The following OCA2 variants were observed in gnomAD, a reference collection of about 807,000 sequenced individuals.
OCA2 encodes OCA2 melanosomal transmembrane protein, also known as P protein.
OCA2 carries 77 observed loss-of-function variants against 100.2 expected under a neutral mutation model. The observed-to-expected ratio is 0.77, with a 90% CI of 0.64 to 0.93. OCA2 has a LOEUF of 0.93. OCA2 is among the 40% of genes least tolerant of loss of function. The pLI is 0.00. For missense variants in OCA2, 1,062 were observed against 1,089.1 expected, an observed-to-expected ratio of 0.98 and a Z score of 0.35; for synonymous variants, 432 against 439.2, an observed-to-expected ratio of 0.98 and a Z score of 0.21.
intron 2 of OCA2, among the ~76,000 whole-genome samples, chr15:28,049,898 G>C (rs894955761): frequency 6.6e-6 from 1 of 152,190 alleles, no homozygotes; most frequent in East Asian, 1.9e-4. Flanking sequence ...TGCCCATTAG[G>C]AATGTAATTA....
intron 1 of OCA2, among the ~76,000 whole-genome samples, chr15:28,096,922 G>T (rs1044276536): frequency 6.6e-6 from 1 of 152,018 alleles, no homozygotes; most frequent in Non-Finnish European, 1.5e-5. Context: ...GCGCAGCCGG[G>T]CACGCGGCCG....
chr15:27,997,236 AGG>A (rs2041778193), intron 9 of OCA2, among the ~76,000 whole-genome samples: 2 of 100,888 alleles, frequency 2.0e-5, no homozygotes, highest in Non-Finnish European at 5.6e-5. Flanking sequence ...AAAGGAAGGA[AGG>A]AGGAAAGAAA....
chr15:27,918,452 G>A (rs1466371148), intron 19 of OCA2, among the ~76,000 whole-genome samples: 3 of 152,176 alleles, frequency 2.0e-5, no homozygotes, highest in African/African-American at 7.2e-5. Flanking sequence ...ATGAAGGTTG[G>A]AAACTGAGGC....
At chr15:28,041,335 A>G (rs937805441) in intron 2 of OCA2, among the ~76,000 whole-genome samples, 77 of 144,656 alleles carry the variant, frequency 5.3e-4, no homozygotes, top group African/African-American at 2.0e-3. Context: ...AAAAAAAAAA[A>G]TGCACACCCT....
intron 2 of OCA2, among the ~76,000 whole-genome samples, chr15:28,058,260 C>T (rs2043765065): frequency 6.6e-6 from 1 of 152,220 alleles, no homozygotes; most frequent in African/African-American, 2.4e-5. Flanking sequence ...TGGTCCACTG[C>T]CCACAGGGAA....
intron 23 of OCA2, among the ~76,000 whole-genome samples, chr15:27,822,600 G>A (rs1278059742): frequency 1.3e-5 from 2 of 152,152 alleles, no homozygotes; most frequent in Non-Finnish European, 1.5e-5. Flanking sequence ...TAGGCATGGT[G>A]TAAAATGGCG....
At chr15:28,012,773 C>T (rs2042280019) in intron 9 of OCA2, among the ~76,000 whole-genome samples, 1 of 151,988 alleles carries the variant, frequency 6.6e-6, no homozygotes, top group Admixed American at 6.6e-5. Context: ...AACAGAGAAG[C>T]CCATTAAAAA....
chr15:27,786,390 C>G (rs749127605), intron 23 of OCA2, among the ~76,000 whole-genome samples: 2 of 152,164 alleles, frequency 1.3e-5, no homozygotes, highest in African/African-American at 2.4e-5. Flanking sequence ...CATCTAAATA[C>G]TGAGTCTTGC....
At chr15:27,997,023 A>G (rs944454589) in intron 9 of OCA2, among the ~76,000 whole-genome samples, 4 of 97,748 alleles carry the variant, frequency 4.1e-5, no homozygotes, top group Non-Finnish European at 8.9e-5. Flanking sequence ...GAAAGAAAGA[A>G]AGAAAGAGAG....
intron 18 of OCA2, among the ~76,000 whole-genome samples, chr15:27,931,280 A>G (rs2039240352): frequency 6.6e-6 from 1 of 152,200 alleles, no homozygotes; most frequent in African/African-American, 2.4e-5. Flanking sequence ...CCTTTTAAAC[A>G]GTTCTTGACA....
chr15:27,768,940 G>C (rs1172340311), intron 23 of OCA2, among the ~76,000 whole-genome samples: 1 of 152,204 alleles, frequency 6.6e-6, no homozygotes, highest in Non-Finnish European at 1.5e-5. Context: ...TTCATGCGCT[G>C]CCCAGCCGGG....
chr15:27,798,706 C>T (rs940127020), intron 23 of OCA2, among the ~76,000 whole-genome samples: 1 of 152,026 alleles, frequency 6.6e-6, no homozygotes, highest in African/African-American at 2.4e-5. Flanking sequence ...TGAAGATGCC[C>T]GTTAATTAAT....
At chr15:27,894,100 C>A (rs2037584800) in intron 19 of OCA2, among the ~76,000 whole-genome samples, 1 of 152,310 alleles carries the variant, frequency 6.6e-6, no homozygotes, top group South Asian at 2.1e-4. Context: ...CTGTAAAATT[C>A]CTCTCTTTGT....
chr15:28,067,281 G>A (rs1199377511), intron 2 of OCA2, among the ~76,000 whole-genome samples: 4 of 152,148 alleles, frequency 2.6e-5, no homozygotes, highest in African/African-American at 9.7e-5. Context: ...CTAGCTAGGA[G>A]TCTATCAATC....
chr15:27,966,160 G>A (rs1354063704), intron 15 of OCA2, among the ~76,000 whole-genome samples: 3 of 152,096 alleles, frequency 2.0e-5, no homozygotes, highest in East Asian at 1.9e-4. Flanking sequence ...TAGTAGAGAC[G>A]GGGTTTCACC....
chr15:27,893,467 A>G (rs1253067673), intron 19 of OCA2, among the ~76,000 whole-genome samples: 28 of 152,220 alleles, frequency 1.8e-4, no homozygotes, highest in Admixed American at 1.8e-3. Context: ...AAAAAGAGCC[A>G]TATTTTTCTT....
intron 1 of OCA2, among the ~76,000 whole-genome samples, chr15:28,090,109 C>T (rs1359882854): frequency 1.3e-5 from 2 of 152,150 alleles, no homozygotes; most frequent in Non-Finnish European, 1.5e-5. Context: ...CAGAGAGAGA[C>T]ATCTTGTAGT....
chr15:27,815,473 G>C (rs1222024917), intron 23 of OCA2, among the ~76,000 whole-genome samples: 1 of 152,168 alleles, frequency 6.6e-6, no homozygotes, highest in Non-Finnish European at 1.5e-5. Context: ...TGAGGGTTTA[G>C]AGAATAGGCG....
chr15:27,937,337 G>T (rs1054584667), intron 18 of OCA2, among the ~76,000 whole-genome samples: 1 of 152,012 alleles, frequency 6.6e-6, no homozygotes, highest in South Asian at 2.1e-4. Flanking sequence ...TCCAGTTTGG[G>T]GCTATTATAA....
Sources: gnomAD v4.1 joint callset for allele counts (sites outside exome capture counted in the v4.1 genomes callset) on GRCh38, gnomAD v4.1.1 for gene constraint, MANE v1.5 for transcripts, NCBI Gene and HGNC (gene_info 2026-07-23, HGNC 2026-07-21) for gene names.